Variants in LUZP2 observed in about 807,000 individuals in gnomAD.
LUZP2 encodes the protein leucine zipper protein 2.
Under a neutral mutation model 51.6 loss-of-function variants are expected in LUZP2, and 52 were observed. The observed-to-expected ratio is 1.01, with a 90% CI of 0.81 to 1.27. The LOEUF (loss-of-function observed/expected upper bound fraction) is 1.27, where lower values mean the gene tolerates loss of function less well. Among genes scored for constraint, LUZP2 ranks in the 50% most tolerant of loss-of-function variants. The probability of loss-of-function intolerance (pLI) is 0.00; values close to 1 mark genes in which losing one functional copy is unlikely to be tolerated. For missense variants in LUZP2, 436 were observed against 395.4 expected (o/e 1.10, Z -0.87); for synonymous variants, 154 against 137.3 (o/e 1.12, Z -0.85).
Position 24,980,237 on chromosome 11 carries a change from G to T in LUZP2, c.598-2889G>T, listed in dbSNP as rs139706343. 2.6e-5 allele frequency among the ~76,000 whole-genome samples: 4 copies of T among 151,658 alleles called. No individual in the cohort carries two copies. The East Asian group carries it at 7.8e-4, about 30-fold the overall frequency. ...TTTATGTAGAGTTTAGATATTAGGG[G>T]CACAGTTGTCTTTGCAAGGTATATC... On this transcript the variant is annotated intron_variant, in intron 8 of 11. Transcript: ENST00000336930.
In LUZP2 at chr11:24,983,164, C is replaced by G. The variant is rs1248545762; in HGVS notation, c.636C>G (p.Leu212=). Residue 212 remains leucine, a synonymous_variant, in exon 9 of 12, where the codon CTC becomes CTG. Coordinates refer to ENST00000336930, the MANE Select transcript of LUZP2 (RefSeq NM_001009909.4). ...AAGCAATGAAAGAGACTGTGCAGCT[C>G]TGCTTGACATCTGTTTTCCGTGATC... is the stretch of plus-strand genomic sequence containing the variant. The part of the protein sequence containing the change: ...QMKAMKETVQ[L]CLTSVFRDQP... 6.2e-7 allele frequency: 1 copy of G among 1,612,240 alleles called. No homozygotes were observed. Among genetic ancestry groups the G allele is most frequent in the Non-Finnish European group, 8.5e-7 (1 of 1,178,858 alleles).
chr11:24,840,213 C>T (rs1850985464), intron 5 of LUZP2, among the ~76,000 whole-genome samples: 1 of 151,766 alleles, frequency 6.6e-6, no homozygotes, highest in Admixed American at 6.6e-5. Flanking sequence ...TTCTCCTCAA[C>T]CCTTTCTTCT....
chr11:25,005,780 C>T lies in LUZP2; in HGVS notation c.765+22487C>T, dbSNP rs528391244. Among the ~76,000 whole-genome samples the T allele has an allele frequency of 1.1e-4, 17 of 152,214 alleles. No homozygotes were observed. The East Asian group carries it at 2.7e-3, about 24-fold the overall frequency. Reference sequence around the variant, plus strand: ...TTAGTGGCCCTTACCAACGCATTCTCGAAAACCTGTACCCTGTCCTCTTAG... The same window carrying T: ...TTAGTGGCCCTTACCAACGCATTCTTGAAAACCTGTACCCTGTCCTCTTAG... On this transcript the variant is annotated intron_variant, in intron 9 of 11. Coordinates refer to ENST00000336930, the MANE Select transcript of LUZP2 (RefSeq NM_001009909.4).
At chr11:24,931,834 G>T (rs1267086810) in intron 7 of LUZP2, among the ~76,000 whole-genome samples, 1 of 152,044 alleles carries the variant, frequency 6.6e-6, no homozygotes, top group Non-Finnish European at 1.5e-5. Flanking sequence ...CACTGGAATT[G>T]TTTTCCTGTT....
At chr11:24,814,293 T>C (rs1234327968) in intron 5 of LUZP2, among the ~76,000 whole-genome samples, 1 of 152,120 alleles carries the variant, frequency 6.6e-6, no homozygotes, top group Non-Finnish European at 1.5e-5. Context: ...TCGTTTTTCC[T>C]GTGTAGATCC....
chr11:25,011,897 T>C (rs1019833885), intron 9 of LUZP2, among the ~76,000 whole-genome samples: 1 of 151,684 alleles, frequency 6.6e-6, no homozygotes, highest in Non-Finnish European at 1.5e-5. Flanking sequence ...TAAAATTTAA[T>C]ATATATATTT....
intron 10 of LUZP2, among the ~76,000 whole-genome samples, chr11:25,051,164 G>A (rs1858496637): frequency 6.6e-6 from 1 of 151,904 alleles, no homozygotes; most frequent in Non-Finnish European, 1.5e-5. Context: ...TTCTCTTCTG[G>A]CTGCCAAAGT....
intron 1 of LUZP2, among the ~76,000 whole-genome samples, chr11:24,700,149 C>T (rs1857381605): frequency 6.7e-6 from 1 of 149,168 alleles, no homozygotes; most frequent in African/African-American, 2.5e-5. Flanking sequence ...GCAACCTCTG[C>T]CTCCCAGATT....
intron 1 of LUZP2, among the ~76,000 whole-genome samples, chr11:24,711,778 C>G (rs901372420): frequency 6.6e-6 from 1 of 152,050 alleles, no homozygotes; most frequent in East Asian, 1.9e-4. Context: ...ATTTGCAGCC[C>G]TTCTCTGCCC....
At chr11:24,903,969 T>G (rs1853359343) in intron 5 of LUZP2, among the ~76,000 whole-genome samples, 1 of 152,174 alleles carries the variant, frequency 6.6e-6, no homozygotes, top group African/African-American at 2.4e-5. Context: ...CATACTGATT[T>G]CATTTATTTT....
chr11:24,767,775 T>C lies in LUZP2; in HGVS notation c.396+4467T>C. Among the ~76,000 whole-genome samples the C allele has an allele frequency of 1.3e-5, 2 of 152,170 alleles. 1 individual carries two copies. ...TTATTTTGCATTTTGTGTTTGAATA[T>C]TGTTTGGTTGCAAAAAGTATACAGT... On this transcript the variant is annotated intron_variant, in intron 5 of 11. Coordinates refer to ENST00000336930, the MANE Select transcript of LUZP2 (RefSeq NM_001009909.4).
chr11:24,530,876 G>A (rs775109727), intron 1 of LUZP2, among the ~76,000 whole-genome samples: 3 of 140,482 alleles, frequency 2.1e-5, no homozygotes, highest in Middle Eastern at 3.7e-3. Flanking sequence ...CTGGTTCCTC[G>A]TTTTCCATTT....
Position 24,497,291 on chromosome 11 carries a change from G to T in LUZP2, c.48G>T (p.Leu16=). Residue 16 remains leucine (L), a synonymous_variant, in exon 1 of 12, where the codon CTG becomes CTT. Coordinates refer to ENST00000336930, the MANE Select transcript of LUZP2 (RefSeq NM_001009909.4). ...AHYLLPLLPA[L]VLSTRQDYEE... Reference sequence around the variant, plus strand: ...ACCTGCTGCCTCTCCTGCCTGCGCTGGTCCTCAGCACCAGGTGAGTCCAGG... The same window carrying T: ...ACCTGCTGCCTCTCCTGCCTGCGCTTGTCCTCAGCACCAGGTGAGTCCAGG... The T allele has an allele frequency of 6.4e-7, 1 of 1,566,568 alleles. No individual in the cohort carries two copies. Among genetic ancestry groups the T allele is most frequent in the Non-Finnish European group, 8.7e-7 (1 of 1,155,052 alleles).
intron 9 of LUZP2, among the ~76,000 whole-genome samples, chr11:25,005,920 A>T (rs1203963077): frequency 6.6e-6 from 1 of 152,232 alleles, no homozygotes; most frequent in South Asian, 2.1e-4. Flanking sequence ...CCCCTGTCCT[A>T]TAAAGATGTT....
chr11:24,760,952 C>A (rs1306187860), intron 4 of LUZP2, among the ~76,000 whole-genome samples: 2 of 152,166 alleles, frequency 1.3e-5, no homozygotes, highest in African/African-American at 2.4e-5. Context: ...CATCCTTAAC[C>A]TATCTCAGCT....
rs190810612 is a variant in LUZP2 at position 24,681,273 on chromosome 11, G to A, written c.63-47896G>A. Among the ~76,000 whole-genome samples, 6 of 152,172 alleles carry A rather than the reference G, an allele frequency of 3.9e-5. No individual in the cohort carries two copies. The East Asian group carries it at 7.7e-4, about 20-fold the overall frequency. On this transcript the variant is annotated intron_variant, in intron 1 of 11. Transcript: ENST00000336930. ...TGGGATTACAGGTGTGAGCCACCGC[G>A]CCCGGCCTAATTTCCTTATTTCTCT...
chr11:24,894,263 C>G (rs1299207052), intron 5 of LUZP2, among the ~76,000 whole-genome samples: 1 of 151,636 alleles, frequency 6.6e-6, no homozygotes, highest in African/African-American at 2.4e-5. Context: ...CAACCTCCGC[C>G]TCCCGGGTTC....
intron 5 of LUZP2, among the ~76,000 whole-genome samples, chr11:24,766,208 G>A (rs933776243): frequency 6.6e-6 from 1 of 151,948 alleles, no homozygotes; most frequent in East Asian, 1.9e-4. Flanking sequence ...TCAGTTTTGG[G>A]CCGTCTGCTT....
chr11:24,510,345 G>A (rs1340956984), intron 1 of LUZP2, among the ~76,000 whole-genome samples: 1 of 152,178 alleles, frequency 6.6e-6, no homozygotes. Flanking sequence ...GCAATGTTTG[G>A]CATGTTTTGC....
Sources: allele counts gnomAD v4.1 joint callset (sites outside exome capture counted in the v4.1 genomes callset), GRCh38; gene constraint gnomAD v4.1.1; transcripts MANE v1.5; gene names NCBI Gene and HGNC (gene_info 2026-07-23, HGNC 2026-07-21).